The following SLC25A21 variants were observed in gnomAD, a reference collection of about 807,000 sequenced individuals.
SLC25A21 encodes the protein mitochondrial 2-oxodicarboxylate carrier.
Under a neutral mutation model 43.8 loss-of-function variants are expected in SLC25A21, and 47 were observed. The ratio of observed to expected loss-of-function variants is 1.07; its 90% CI spans 0.85 to 1.37. The LOEUF (loss-of-function observed/expected upper bound fraction) is 1.37. Ranked by LOEUF, SLC25A21 falls within the 40% of genes most tolerant of loss-of-function variation. The probability of loss-of-function intolerance (pLI) is 0.00; values close to 1 mark genes in which losing one functional copy is unlikely to be tolerated. For synonymous variants in SLC25A21, 131 were observed against 121.3 expected (o/e 1.08, Z -0.52); for missense variants, 352 against 350.2 (o/e 1.00, Z -0.04).
intron 1 of SLC25A21, among the ~76,000 whole-genome samples, chr14:37,030,825 T>C (rs1961195621): frequency 6.6e-6 from 1 of 152,184 alleles, no homozygotes; most frequent in Non-Finnish European, 1.5e-5. Flanking sequence ...GTTACAGTCC[T>C]GGATTTTCTG....
intron 2 of SLC25A21, among the ~76,000 whole-genome samples, chr14:36,834,794 T>A (rs1265615818): frequency 1.3e-5 from 2 of 152,076 alleles, no homozygotes; most frequent in African/African-American, 4.8e-5. Context: ...CAAATGTCAA[T>A]GAGATCAACG....
chr14:37,007,874 A>G (rs1960642068), intron 1 of SLC25A21, among the ~76,000 whole-genome samples: 1 of 152,106 alleles, frequency 6.6e-6, no homozygotes, highest in Non-Finnish European at 1.5e-5. Flanking sequence ...AAAATTTGTC[A>G]TACAATTTCC....
chr14:36,801,717 C>T (rs996214521), intron 3 of SLC25A21, among the ~76,000 whole-genome samples: 1 of 152,104 alleles, frequency 6.6e-6, no homozygotes, highest in African/African-American at 2.4e-5. Flanking sequence ...ACTCAAACTG[C>T]CTCTTATTTC....
In SLC25A21 at chr14:37,152,927, C is replaced by A. The variant is rs564500833; in HGVS notation, c.70+19354G>T. 6.6e-5 allele frequency among the ~76,000 whole-genome samples: 10 copies of A among 152,172 alleles called. No homozygotes were observed. In the East Asian group the frequency reaches 1.7e-3, roughly 27 times the overall value. ...GACAGTCACACTTCAAATACGTTAT[C>A]CAAGACAGAATGCTGATGCTCAACA... is the stretch of plus-strand genomic sequence containing the variant. On this transcript the variant is annotated intron_variant, in intron 1 of 9. Transcript: ENST00000331299.
At chr14:37,011,148 A>G (rs1433687992) in intron 1 of SLC25A21, among the ~76,000 whole-genome samples, 1 of 152,084 alleles carries the variant, frequency 6.6e-6, no homozygotes, top group Non-Finnish European at 1.5e-5. Context: ...CAGCCTCCCA[A>G]ACTGCGGGGC....
intron 2 of SLC25A21, among the ~76,000 whole-genome samples, chr14:36,832,360 C>T (rs1194609560): frequency 6.6e-6 from 1 of 152,010 alleles, no homozygotes; most frequent in Non-Finnish European, 1.5e-5. Context: ...CTAGACAGGA[C>T]AAGAGACAAA....
At chr14:37,147,844 CT>C (rs61239254) in intron 1 of SLC25A21, among the ~76,000 whole-genome samples, 176 of 126,240 alleles carry the variant, frequency 1.4e-3, no homozygotes, top group African/African-American at 4.9e-3. Context: ...TTTTTCTTTT[CT>C]TTTTTTTTTT....
chr14:36,959,470 C>T (rs1044708421), intron 1 of SLC25A21, among the ~76,000 whole-genome samples: 6 of 152,052 alleles, frequency 3.9e-5, no homozygotes, highest in African/African-American at 1.2e-4. Flanking sequence ...AAATAAAATC[C>T]GCAAACCTGA....
chr14:36,890,506 G>A (rs1249579834), intron 1 of SLC25A21, among the ~76,000 whole-genome samples: 1 of 152,068 alleles, frequency 6.6e-6, no homozygotes, highest in Non-Finnish European at 1.5e-5. Context: ...GGATACTGGA[G>A]GGAGAGAGGC....
At chr14:36,747,100 G>A (rs1885529851) in intron 3 of SLC25A21, among the ~76,000 whole-genome samples, 1 of 152,122 alleles carries the variant, frequency 6.6e-6, no homozygotes, top group Non-Finnish European at 1.5e-5. Context: ...CATATTAACA[G>A]TTGGAATGAC....
intron 1 of SLC25A21, among the ~76,000 whole-genome samples, chr14:37,024,433 A>G (rs1961050891): frequency 6.6e-6 from 1 of 151,964 alleles, no homozygotes; most frequent in African/African-American, 2.4e-5. Context: ...CACCCCACTA[A>G]TAGAGTCACT....
intron 2 of SLC25A21, among the ~76,000 whole-genome samples, chr14:36,848,978 A>C (rs1213037453): frequency 2.0e-5 from 3 of 152,158 alleles, no homozygotes; most frequent in Non-Finnish European, 4.4e-5. Flanking sequence ...CAGATGATTC[A>C]TGGTAAACTT....
intron 2 of SLC25A21, among the ~76,000 whole-genome samples, chr14:36,833,218 G>C (rs946303430): frequency 2.0e-5 from 3 of 152,176 alleles, no homozygotes; most frequent in Non-Finnish European, 4.4e-5. Flanking sequence ...TAAACGCTTA[G>C]AGGACATAGG....
At chr14:36,691,788 T>C (rs143218448) in intron 7 of SLC25A21, among the ~76,000 whole-genome samples, 62 of 152,330 alleles carry the variant, frequency 4.1e-4, no homozygotes, top group Non-Finnish European at 6.9e-4. Flanking sequence ...TATTTATAAG[T>C]GGTATGTATT....
intron 1 of SLC25A21, among the ~76,000 whole-genome samples, chr14:36,991,382 C>T (rs151204875): frequency 1.8e-4 from 27 of 152,270 alleles, no homozygotes; most frequent in African/African-American, 6.0e-4. Flanking sequence ...CCCTGGCACA[C>T]GGCATTCAAC....
At chr14:37,155,901 G>A (rs1261168216) in intron 1 of SLC25A21, among the ~76,000 whole-genome samples, 1 of 152,020 alleles carries the variant, frequency 6.6e-6, no homozygotes, top group Non-Finnish European at 1.5e-5. Flanking sequence ...GTTCATGCCT[G>A]TAATCCTAGC....
At chr14:37,081,933 A>G (rs1263073751) in intron 1 of SLC25A21, among the ~76,000 whole-genome samples, 1 of 152,230 alleles carries the variant, frequency 6.6e-6, no homozygotes, top group Admixed American at 6.5e-5. Context: ...AATCTTCCAC[A>G]TTGATAGAAA....
intron 1 of SLC25A21, among the ~76,000 whole-genome samples, chr14:36,875,681 A>C (rs1414591296): frequency 6.6e-6 from 1 of 152,170 alleles, no homozygotes; most frequent in East Asian, 1.9e-4. Flanking sequence ...AAGTTAAATA[A>C]CTTGTCTAAG....
intron 4 of SLC25A21, among the ~76,000 whole-genome samples, chr14:36,732,156 C>G (rs1451455585): frequency 6.6e-6 from 1 of 151,810 alleles, no homozygotes; most frequent in Non-Finnish European, 1.5e-5. Flanking sequence ...TTCTTTGTTT[C>G]TTTCTTTTAA....
Sources: gnomAD v4.1 joint callset for allele counts (sites outside exome capture counted in the v4.1 genomes callset) on GRCh38, gnomAD v4.1.1 for gene constraint, MANE v1.5 for transcripts, NCBI Gene and HGNC (gene_info 2026-07-23, HGNC 2026-07-21) for gene names.